The following DCLK1 variants were observed in gnomAD, a reference collection of about 807,000 sequenced individuals.
DCLK1 encodes doublecortin like kinase 1.
DCLK1 carries 16 observed loss-of-function variants against 86.2 expected under a neutral mutation model. The ratio of observed to expected loss-of-function variants is 0.19; its 90% CI spans 0.13 to 0.28. The LOEUF (loss-of-function observed/expected upper bound fraction) is 0.28, where lower values mean the gene tolerates loss of function less well. Among genes scored for constraint, DCLK1 ranks in the 10% least tolerant of loss-of-function variants. The probability of loss-of-function intolerance (pLI) is 1.00; values close to 1 mark genes in which losing one functional copy is unlikely to be tolerated. For missense variants in DCLK1, 590 were observed against 940.2 expected, an observed-to-expected ratio of 0.63 and a Z score of 4.87; for synonymous variants, 369 against 370.5, an observed-to-expected ratio of 1.00 and a Z score of 0.05.
chr13:35,793,943 A>G (rs1294080115), intron 15 of DCLK1, among the ~76,000 whole-genome samples: 1 of 152,186 alleles, frequency 6.6e-6, no homozygotes, highest in Non-Finnish European at 1.5e-5. Flanking sequence ...AAATAAACTC[A>G]GGCTGTTCCA....
intron 6 of DCLK1, chr13:35,850,171 G>C: frequency 2.0e-6 from 2 of 984,754 alleles, no homozygotes; most frequent in Non-Finnish European, 2.4e-6. Flanking sequence ...TTTTTCTACT[G>C]TCTAGGGAGA....
chr13:35,774,588 C>CTTCCGA lies in DCLK1; in HGVS notation c.2164_2169dup (p.Ser722_Glu723dup), dbSNP rs1422510688. On this transcript the variant is annotated inframe_insertion, in exon 17 of 17. Transcript: ENST00000360631. ...GTCTCGGAGGAGCTTGGGGAGTAGT[C>CTTCCGA]TTCCGATTCCGAGTTGAGTTCGGGA... is the stretch of plus-strand genomic sequence containing the variant. 2 of 1,576,144 alleles carry CTTCCGA rather than the reference C, an allele frequency of 1.3e-6. No homozygotes were observed. Among genetic ancestry groups the CTTCCGA allele is most frequent in the Non-Finnish European group, 1.7e-6 (2 of 1,159,212 alleles).
rs1193923159 is a variant in DCLK1 at position 35,935,675 on chromosome 13, T to A, written c.823+11683A>T. Among the ~76,000 whole-genome samples, 3 of 152,312 alleles carry A rather than the reference T, an allele frequency of 2.0e-5. No homozygotes were observed. The South Asian group carries it at 6.2e-4, about 32-fold the overall frequency. ...AGTTCATAAGAGAAAGTTGGAAATG[T>A]GGTTCTGGAGCTCCTGAGAGGAGTC... is the stretch of plus-strand genomic sequence containing the variant. On this transcript the variant is annotated intron_variant, in intron 4 of 16. Transcript: ENST00000360631.
chr13:35,891,453 C>T (rs1873638989), intron 4 of DCLK1, among the ~76,000 whole-genome samples: 1 of 152,082 alleles, frequency 6.6e-6, no homozygotes, highest in South Asian at 2.1e-4. Context: ...TAGGATGTTT[C>T]TTTTTCTCTT....
chr13:35,955,892 T>C (rs1877951846), intron 3 of DCLK1, among the ~76,000 whole-genome samples: 1 of 152,130 alleles, frequency 6.6e-6, no homozygotes. Context: ...GTCTGAGTGA[T>C]TTGGGGCTAT....
intron 3 of DCLK1, among the ~76,000 whole-genome samples, chr13:36,094,548 C>T (rs918039865): frequency 6.6e-6 from 1 of 152,176 alleles, no homozygotes; most frequent in Non-Finnish European, 1.5e-5. Context: ...TTGCTATACA[C>T]CCTGTGGCTG....
chr13:35,778,283 G>A (rs1434844437), intron 16 of DCLK1, among the ~76,000 whole-genome samples: 1 of 152,140 alleles, frequency 6.6e-6, no homozygotes, highest in Non-Finnish European at 1.5e-5. Context: ...TTTGCAATGT[G>A]CTTCCAATAA....
chr13:35,858,018 C>A (rs1445646147), intron 5 of DCLK1, among the ~76,000 whole-genome samples: 1 of 152,072 alleles, frequency 6.6e-6, no homozygotes, highest in East Asian at 1.9e-4. Context: ...AGAAGAAAAA[C>A]AAAAACAAAA....
intron 3 of DCLK1, among the ~76,000 whole-genome samples, chr13:36,076,455 T>C (rs1884216979): frequency 6.6e-6 from 1 of 152,228 alleles, no homozygotes; most frequent in South Asian, 2.1e-4. Context: ...ACTAGTCATT[T>C]GCTGAATTCC....
chr13:35,952,495 T>C (rs1259486555), intron 3 of DCLK1, among the ~76,000 whole-genome samples: 3 of 152,186 alleles, frequency 2.0e-5, no homozygotes. Flanking sequence ...TCACCTGATA[T>C]AACAAATGTG....
chr13:35,937,997 A>G (rs555806650), intron 4 of DCLK1, among the ~76,000 whole-genome samples: 5 of 152,276 alleles, frequency 3.3e-5, no homozygotes, highest in South Asian at 2.1e-4. Flanking sequence ...AAAATCCACG[A>G]AACAGTAGGA....
chr13:35,985,314 C>A (rs1446339598), intron 3 of DCLK1, among the ~76,000 whole-genome samples: 2 of 151,658 alleles, frequency 1.3e-5, no homozygotes, highest in Non-Finnish European at 2.9e-5. Context: ...GTATGAGGAT[C>A]AACAATAGCA....
chr13:35,870,970 T>A (rs1028451153), intron 5 of DCLK1, among the ~76,000 whole-genome samples: 1 of 152,246 alleles, frequency 6.6e-6, no homozygotes, highest in African/African-American at 2.4e-5. Flanking sequence ...TACAAGATGA[T>A]AACGTTCTTC....
intron 3 of DCLK1, among the ~76,000 whole-genome samples, chr13:36,013,847 T>C (rs1432152570): frequency 6.6e-6 from 1 of 152,216 alleles, no homozygotes; most frequent in Non-Finnish European, 1.5e-5. Flanking sequence ...CCTTGCAGTT[T>C]GATCTCAGAC....
intron 3 of DCLK1, among the ~76,000 whole-genome samples, chr13:36,086,044 T>C (rs1340659470): frequency 6.6e-6 from 1 of 152,224 alleles, no homozygotes; most frequent in Non-Finnish European, 1.5e-5. Context: ...TTAGACACTT[T>C]TAATAAAAAT....
intron 6 of DCLK1, chr13:35,848,391 G>A (rs55727883): frequency 0.014 from 13,838 of 984,762 alleles, 128 homozygotes; most frequent in Non-Finnish European, 0.015. Context: ...TATAAATGGT[G>A]TGCTGTTTCA....
chr13:35,857,296 C>T (rs1264391874), intron 5 of DCLK1, among the ~76,000 whole-genome samples: 2 of 152,184 alleles, frequency 1.3e-5, no homozygotes, highest in Non-Finnish European at 2.9e-5. Flanking sequence ...AAACACACCC[C>T]TGGGTGGAGA....
At chr13:35,924,427 A>T (rs914557285) in intron 4 of DCLK1, among the ~76,000 whole-genome samples, 2 of 152,196 alleles carry the variant, frequency 1.3e-5, no homozygotes, top group African/African-American at 4.8e-5. Context: ...AGGCAGGCAG[A>T]TCGCCTGAAG....
intron 3 of DCLK1, among the ~76,000 whole-genome samples, chr13:36,031,261 A>T (rs1411999438): frequency 6.6e-6 from 1 of 152,148 alleles, no homozygotes; most frequent in Non-Finnish European, 1.5e-5. Context: ...TAGGCTAAAA[A>T]GTTTTAAGCA....
Sources: gnomAD v4.1 joint callset for allele counts (sites outside exome capture counted in the v4.1 genomes callset) on GRCh38, gnomAD v4.1.1 for gene constraint, MANE v1.5 for transcripts, NCBI Gene and HGNC (gene_info 2026-07-23, HGNC 2026-07-21) for gene names.